PRKG1: variants seen among roughly 807,000 people sequenced by gnomAD.
PRKG1 encodes protein kinase cGMP-dependent 1.
A neutral mutation model predicts 88.1 loss-of-function variants in PRKG1; 35 were observed. That is an observed-to-expected ratio of 0.40 (90% CI 0.30 to 0.53). The LOEUF is 0.53. PRKG1 is among the 20% of genes least tolerant of loss of function. PRKG1 has a pLI of 0.59. For synonymous variants in PRKG1, 303 were observed against 292.5 expected, an observed-to-expected ratio of 1.04 and a Z score of -0.37; for missense variants, 540 against 839.8, an observed-to-expected ratio of 0.64 and a Z score of 4.41.
In PRKG1 at chr10:51,592,236, T is replaced by C. The variant is rs1838330451; in HGVS notation, c.592+124400T>C. Among the ~76,000 whole-genome samples, 5 of 152,340 alleles carry C rather than the reference T, an allele frequency of 3.3e-5. No homozygotes were observed. In the South Asian group the frequency reaches 1.0e-3, roughly 32 times the overall value. Reference sequence around the variant, plus strand: ...CTCTATTCAGAACTGCTGAAAAGATTGAATGATAAGATGAAACTGAAATAA... The same window carrying C: ...CTCTATTCAGAACTGCTGAAAAGATCGAATGATAAGATGAAACTGAAATAA... On this transcript the variant is annotated intron_variant, in intron 3 of 17. Coordinates refer to ENST00000373980, the MANE Select transcript of PRKG1 (RefSeq NM_006258.4).
At chr10:51,123,799 A>C (rs1304153428) in intron 1 of PRKG1, among the ~76,000 whole-genome samples, 1 of 152,100 alleles carries the variant, frequency 6.6e-6, no homozygotes, top group Non-Finnish European at 1.5e-5. Flanking sequence ...ATGGTGGCAT[A>C]TGCTTCTGGG....
At chr10:51,615,102 T>C (rs989809643) in intron 3 of PRKG1, among the ~76,000 whole-genome samples, 12 of 147,054 alleles carry the variant, frequency 8.2e-5, no homozygotes, top group Non-Finnish European at 1.7e-4. Context: ...CATCTTTGAA[T>C]ATATTCAACT....
At chr10:52,229,450 G>C (rs1840472053) in intron 9 of PRKG1, among the ~76,000 whole-genome samples, 1 of 152,194 alleles carries the variant, frequency 6.6e-6, no homozygotes, top group African/African-American at 2.4e-5. Context: ...CCTCATGATG[G>C]CTTTGAGGAG....
chr10:51,287,534 T>G (rs1172105134), intron 2 of PRKG1, among the ~76,000 whole-genome samples: 1 of 151,842 alleles, frequency 6.6e-6, no homozygotes, highest in Admixed American at 6.6e-5. Context: ...TCTAGTAGAG[T>G]GAAGAGAGGA....
chr10:51,781,939 CA>C (rs1564644526), intron 3 of PRKG1, among the ~76,000 whole-genome samples: 1 of 151,226 alleles, frequency 6.6e-6, no homozygotes, highest in African/African-American at 2.4e-5. Context: ...CTTCAGCCCC[CA>C]ACACCCATTG....
intron 7 of PRKG1, among the ~76,000 whole-genome samples, chr10:52,119,732 C>T (rs972906293): frequency 2.0e-5 from 3 of 152,196 alleles, no homozygotes; most frequent in African/African-American, 7.2e-5. Flanking sequence ...TTTTGTGCTG[C>T]TATAAGTGAA....
At position 51,736,774 on chromosome 10, in the gene PRKG1, C is replaced by T. The variant is rs1837291826; in HGVS notation, c.593-67811C>T. 4.0e-5 allele frequency among the ~76,000 whole-genome samples: 6 copies of T among 151,592 alleles called. No homozygotes were observed. In the South Asian group the frequency reaches 1.0e-3, roughly 26 times the overall value. ...TTCTGAGTAGCTAGGACTACAGGTG[C>T]GCCACTACTACACCTGGCTAATTTT... On this transcript the variant is annotated intron_variant, in intron 3 of 17. Coordinates refer to ENST00000373980, the MANE Select transcript of PRKG1 (RefSeq NM_006258.4).
intron 4 of PRKG1, among the ~76,000 whole-genome samples, chr10:51,839,112 C>A (rs1284500836): frequency 1.3e-5 from 2 of 152,108 alleles, no homozygotes; most frequent in Non-Finnish European, 2.9e-5. Context: ...GGACTGCCCC[C>A]TTAGACCATT....
intron 7 of PRKG1, among the ~76,000 whole-genome samples, chr10:52,069,133 A>G (rs72803123): frequency 0.17 from 26,315 of 152,142 alleles, 2,877 homozygotes; most frequent in South Asian, 0.28. Context: ...GTATTTCCTT[A>G]TTTGTTTTCA....
chr10:51,798,881 T>C (rs1490118832), intron 3 of PRKG1, among the ~76,000 whole-genome samples: 1 of 152,114 alleles, frequency 6.6e-6, no homozygotes, highest in Non-Finnish European at 1.5e-5. Flanking sequence ...TTTTGAATAA[T>C]ATGAATGCAG....
intron 3 of PRKG1, among the ~76,000 whole-genome samples, chr10:51,478,989 A>G (rs1427269346): frequency 6.6e-6 from 1 of 152,002 alleles, no homozygotes; most frequent in African/African-American, 2.4e-5. Flanking sequence ...ATGTTTTGGG[A>G]CTCTGTTTAA....
rs549645860 is a variant in PRKG1 at position 52,283,044 on chromosome 10, G to A, written c.1709+728G>A. Among the ~76,000 whole-genome samples, 26 of 152,116 alleles carry A rather than the reference G, an allele frequency of 1.7e-4. No individual in the cohort carries two copies. The East Asian group carries it at 4.2e-3, about 25-fold the overall frequency. On this transcript the variant is annotated intron_variant, in intron 14 of 17. Transcript: ENST00000373980. ...TGGCTTAAAGAGAAAGGCAATAATCGTCACAGACATGGAGAAGGTTCATGT... is the reference window on the plus strand; with the variant it reads ...TGGCTTAAAGAGAAAGGCAATAATCATCACAGACATGGAGAAGGTTCATGT...
chr10:51,373,808 CT>C (rs886409938), intron 2 of PRKG1, among the ~76,000 whole-genome samples: 6 of 151,798 alleles, frequency 4.0e-5, no homozygotes, highest in South Asian at 2.1e-4. Flanking sequence ...TCTTTTCTTT[CT>C]TTTTTTTCTT....
chr10:52,067,412 T>G (rs1341322904), intron 7 of PRKG1, among the ~76,000 whole-genome samples: 1 of 152,204 alleles, frequency 6.6e-6, no homozygotes, highest in Non-Finnish European at 1.5e-5. Flanking sequence ...CTTTTTAAAT[T>G]TGAGAGTGCA....
chr10:51,533,370 A>G (rs1700460791), intron 3 of PRKG1, among the ~76,000 whole-genome samples: 1 of 152,216 alleles, frequency 6.6e-6, no homozygotes, highest in Non-Finnish European at 1.5e-5. Flanking sequence ...GAGTCTGAAA[A>G]GATCAGATAA....
At chr10:51,753,191 T>C (rs1837770402) in intron 3 of PRKG1, among the ~76,000 whole-genome samples, 1 of 152,112 alleles carries the variant, frequency 6.6e-6, no homozygotes, top group Admixed American at 6.5e-5. Flanking sequence ...AGTTCATTGC[T>C]TATCTAATCA....
chr10:51,876,170 G>T (rs921012713), intron 4 of PRKG1, among the ~76,000 whole-genome samples: 1 of 151,906 alleles, frequency 6.6e-6, no homozygotes, highest in African/African-American at 2.4e-5. Flanking sequence ...TAATACATTT[G>T]CCCTCCCCAC....
chr10:51,470,497 C>G (rs1289143556), intron 3 of PRKG1, among the ~76,000 whole-genome samples: 1 of 151,884 alleles, frequency 6.6e-6, no homozygotes, highest in Non-Finnish European at 1.5e-5. Context: ...ATGATCCTTT[C>G]TCTTTTCTAT....
chr10:51,349,804 A>G (rs1842201134), intron 2 of PRKG1, among the ~76,000 whole-genome samples: 1 of 151,944 alleles, frequency 6.6e-6, no homozygotes, highest in African/African-American at 2.4e-5. Context: ...ACATACAGAT[A>G]CCATGTATGT....
Sources: gnomAD v4.1 joint callset for allele counts (sites outside exome capture counted in the v4.1 genomes callset) on GRCh38, gnomAD v4.1.1 for gene constraint, MANE v1.5 for transcripts, NCBI Gene and HGNC (gene_info 2026-07-23, HGNC 2026-07-21) for gene names.